DDHD2: variants seen among roughly 807,000 people sequenced by gnomAD.
DDHD2 encodes the protein DDHD domain containing 2, also known as triacylglycerol hydrolase DDHD2.
A neutral mutation model predicts 91.2 loss-of-function variants in DDHD2; 62 were observed. That is an observed-to-expected ratio of 0.68 (90% confidence interval 0.55 to 0.84). The LOEUF (loss-of-function observed/expected upper bound fraction) is 0.84, where lower values mean the gene tolerates loss of function less well. DDHD2 is among the 40% of genes least tolerant of loss of function. The probability of loss-of-function intolerance (pLI) is 0.00; values close to 1 mark genes in which losing one functional copy is unlikely to be tolerated. For missense variants in DDHD2, 740 were observed against 846.9 expected (o/e 0.87, Z 1.57); for synonymous variants, 271 against 293.9 (o/e 0.92, Z 0.80).
chr8:38,252,965 G>C lies in DDHD2; in HGVS notation c.1729G>C (p.Glu577Gln). The C allele has an allele frequency of 6.2e-7, 1 of 1,613,908 alleles. No homozygotes were observed. The highest frequency in any genetic ancestry group is 8.5e-7 in the Non-Finnish European group (1 of 1,179,932). ...TTATTTATATGTTTCAGAACTGAGA[G>C]AGGGCTTGACCAGGATGAGTATGGA... is the stretch of plus-strand genomic sequence containing the variant. ...GRKRMHLELREGLTRMSMDLK... is the reference protein window; with the variant it reads ...GRKRMHLELRQGLTRMSMDLK... Residue 577 changes from glutamate (E) to glutamine (Q), a missense_variant, in exon 15 of 18, where the codon GAG (glutamate) becomes CAG (glutamine). Glu to Gln is a conservative substitution (Grantham distance 29). Around this residue, in one of 2 missense-constraint regions of DDHD2, gnomAD observed 693 missense variants for 764.2 expected, o/e 0.91. Coordinates refer to ENST00000397166, the MANE Select transcript of DDHD2 (RefSeq NM_015214.3).
downstream of DDHD2, chr8:38,272,076 G>C (rs1808495480): frequency 6.6e-6 from 1 of 152,154 alleles, no homozygotes; most frequent in South Asian, 2.1e-4. Flanking sequence ...TTGTCCAATA[G>C]CCTGTCCCAT....
chr8:38,259,949 G>GAATAATCC, intron 16 of DDHD2, 91 bp from the exon 17 acceptor site: 1 of 808,378 alleles, frequency 1.2e-6, no homozygotes, highest in South Asian at 1.6e-5. Flanking sequence ...AAACTTGCAA[G>GAATAATCC]ATGGTTGTAT....
chr8:38,268,510 T>G, intron 1 of DDHD2: 1 of 1,544,930 alleles, frequency 6.5e-7, no homozygotes, highest in Non-Finnish European at 8.7e-7. Flanking sequence ...AAAGCCACAC[T>G]CGTGCTCCTA....
intron 1 of DDHD2, chr8:38,268,100 A>G: frequency 6.7e-7 from 1 of 1,483,358 alleles, no homozygotes; most frequent in East Asian, 2.4e-5. Context: ...TAGGGTCCTC[A>G]GTGATCACTC....
chr8:38,252,784 G>C lies in DDHD2; in HGVS notation c.1680G>C (p.Met560Ile). 1 of 1,614,078 alleles carries C rather than the reference G, an allele frequency of 6.2e-7. No homozygotes were observed. Among genetic ancestry groups the C allele is most frequent in the Non-Finnish European group, 8.5e-7 (1 of 1,179,986 alleles). Residue 560 changes from methionine to isoleucine, a missense_variant, in exon 14 of 18, where the codon ATG becomes ATC. Met to Ile is a conservative substitution (Grantham distance 10). Around this residue, in one of 2 missense-constraint regions of DDHD2, gnomAD observed 693 missense variants for 764.2 expected, o/e 0.91. Coordinates refer to ENST00000397166, the MANE Select transcript of DDHD2 (RefSeq NM_015214.3). Reference sequence around the variant, plus strand: ...TCCCAGGAGTGGAATTTGAGCCAATGCTGATCCCACATCATAAAGGCAGGA... The same window carrying C: ...TCCCAGGAGTGGAATTTGAGCCAATCCTGATCCCACATCATAAAGGCAGGA... ...MVVPGVEFEP[M>I]LIPHHKGRKR...
At chr8:38,235,856 C>G (rs180719999) in intron 3 of DDHD2, among the ~76,000 whole-genome samples, 1 of 139,750 alleles carries the variant, frequency 7.2e-6, no homozygotes, top group African/African-American at 2.7e-5. Flanking sequence ...CCCACCACTA[C>G]AAAAAAAAGT....
chr8:38,249,585 T>C, intron 10 of DDHD2, 123 bp from the exon 11 acceptor site: 1 of 481,926 alleles, frequency 2.1e-6, no homozygotes, highest in East Asian at 3.1e-5. Flanking sequence ...TGGAAGTTAT[T>C]CTATGATGTT....
intron 3 of DDHD2, among the ~76,000 whole-genome samples, chr8:38,235,496 C>T (rs1039876471): frequency 5.3e-5 from 8 of 151,366 alleles, no homozygotes; most frequent in Admixed American, 1.3e-4. Context: ...CTGAGGTGGG[C>T]GGATCACCTG....
chr8:38,238,462 A>G, intron 5 of DDHD2: 1 of 1,197,602 alleles, frequency 8.4e-7, no homozygotes, highest in Non-Finnish European at 1.0e-6. Flanking sequence ...GTACAGATGA[A>G]CTGATTTAGT....
At chr8:38,270,806 A>C (rs1195464310) in intron 1 of DDHD2, 1 of 152,214 alleles carries the variant, frequency 6.6e-6, no homozygotes, top group African/African-American at 2.4e-5. Context: ...CTTACATGTA[A>C]ATTACTTTTA....
At chr8:38,247,495 TGTTA>T (rs1423602179) in intron 9 of DDHD2, 2 of 294,844 alleles carry the variant, frequency 6.8e-6, no homozygotes, top group Non-Finnish European at 1.2e-5. Flanking sequence ...AGCAAATGTT[TGTTA>T]ATGATGATGA....
At chr8:38,240,483 G>A (rs563934304) in intron 6 of DDHD2, 119 bp downstream of exon 6, 4 of 636,564 alleles carry the variant, frequency 6.3e-6, no homozygotes, top group African/African-American at 1.8e-5. Context: ...AAAGACAGGT[G>A]GCAAGGTAGT....
intron 7 of DDHD2, among the ~76,000 whole-genome samples, chr8:38,244,004 C>T (rs1327496502): frequency 2.6e-5 from 4 of 151,610 alleles, no homozygotes; most frequent in South Asian, 4.2e-4. Context: ...GGTTTCTCCA[C>T]GTTGGTCAGG....
At chr8:38,268,317 C>T (rs928032387) in intron 1 of DDHD2, 21 of 1,467,432 alleles carry the variant, frequency 1.4e-5, no homozygotes, top group Admixed American at 6.0e-5. Flanking sequence ...AATCCCACAA[C>T]GACCTCCTAG....
chr8:38,266,055 A>G, downstream of DDHD2: 38 of 1,252,570 alleles, frequency 3.0e-5, no homozygotes, highest in Non-Finnish European at 4.2e-5. Flanking sequence ...TTCAGCAGAT[A>G]TTTAGTAAGC....
chr8:38,260,302 A>G, intron 17 of DDHD2, 155 bp downstream of exon 17: 2 of 498,226 alleles, frequency 4.0e-6, no homozygotes, highest in Non-Finnish European at 7.2e-6. Flanking sequence ...GTAGAAATTC[A>G]TGGGGAAAAA....
chr8:38,268,258 C>T (rs1808018701), intron 1 of DDHD2: 2 of 1,122,866 alleles, frequency 1.8e-6, no homozygotes, highest in Admixed American at 2.5e-5. Flanking sequence ...GATAGAGTTC[C>T]TTTAGGAATG....
At chr8:38,271,671 T>C (rs913178100), downstream of DDHD2, 3 of 152,260 alleles carry the variant, frequency 2.0e-5, no homozygotes, top group African/African-American at 7.2e-5. Context: ...CTGCACCAAC[T>C]TGGACAACTG....
rs996306352 is a variant in DDHD2, at chr8:38,260,163, T to C, written c.*26+16T>C. ...GCTGCTTAATGTAAGTTTTAAAATG[T>C]CATATATATAGTGTAATTCTTACAT... is the stretch of plus-strand genomic sequence containing the variant. On this transcript the variant is annotated intron_variant, in intron 17 of 17. Transcript: ENST00000397166. The C allele has an allele frequency of 7.6e-7, 1 of 1,321,828 alleles. No individual in the cohort carries two copies. The highest frequency in any genetic ancestry group is 1.7e-5 in the Admixed American group (1 of 58,494). 81.9% of individuals were successfully genotyped at this position (1,321,828 alleles called of 1,614,324 possible).
Sources: gnomAD v4.1 joint callset for allele counts (sites outside exome capture counted in the v4.1 genomes callset) on GRCh38, gnomAD v4.1.1 for gene constraint, gnomAD v4.1.1 regional missense constraint, MANE v1.5 for transcripts, NCBI Gene and HGNC (gene_info 2026-07-23, HGNC 2026-07-21) for gene names.